Variants in USP10 observed in about 807,000 individuals in gnomAD.
USP10 encodes ubiquitin specific peptidase 10, also known as ubiquitin carboxyl-terminal hydrolase 10.
A neutral mutation model predicts 84.5 loss-of-function variants in USP10; 22 were observed. The observed-to-expected ratio is 0.26, with a 90% confidence interval of 0.19 to 0.37. USP10 has a LOEUF of 0.37. USP10 is among the 10% of genes least tolerant of loss of function. USP10 has a pLI of 1.00. For missense variants in USP10, 1,019 were observed against 998.9 expected (o/e 1.02, Z -0.27); for synonymous variants, 454 against 387.6 (o/e 1.17, Z -2.01).
intron 2 of USP10, among the ~76,000 whole-genome samples, chr16:84,735,239 T>TGTGTGTG (rs1909781168): frequency 7.7e-6 from 1 of 130,606 alleles, no homozygotes; most frequent in African/African-American, 2.8e-5. Context: ...GTGTGTGTGG[T>TGTGTGTG]GTGTGTGTTT....
intron 3 of USP10, among the ~76,000 whole-genome samples, chr16:84,741,200 G>A (rs186338585): frequency 1.9e-4 from 29 of 152,288 alleles, no homozygotes; most frequent in African/African-American, 2.6e-4. Context: ...CTAACCAAAC[G>A]TTTTATCTCC....
intron 4 of USP10, among the ~76,000 whole-genome samples, chr16:84,751,482 C>T (rs1385544193): frequency 6.6e-6 from 1 of 152,182 alleles, no homozygotes; most frequent in African/African-American, 2.4e-5. Flanking sequence ...AAAGGCGTGG[C>T]ACCTGTTTAC....
intron 1 of USP10, among the ~76,000 whole-genome samples, chr16:84,726,863 A>C (rs534447840): frequency 1.3e-5 from 2 of 152,218 alleles, no homozygotes; most frequent in African/African-American, 4.8e-5. Context: ...GGCATTTCCT[A>C]TGCAACCACA....
intron 13 of USP10, among the ~76,000 whole-genome samples, chr16:84,775,439 A>G (rs958012759): frequency 1.3e-5 from 2 of 152,204 alleles, no homozygotes; most frequent in African/African-American, 4.8e-5. Flanking sequence ...ATAACAGAAG[A>G]CCTTGCTCAA....
At chr16:84,760,121 AT>A in intron 7 of USP10, 50 bp from the exon 8 acceptor site, 1 of 1,561,738 alleles carries the variant, frequency 6.4e-7, no homozygotes, top group Non-Finnish European at 8.7e-7. Context: ...TTTTTTCATC[AT>A]TTATGAGTTC....
At chr16:84,737,090 A>G (rs1383585017) in intron 2 of USP10, among the ~76,000 whole-genome samples, 1 of 152,124 alleles carries the variant, frequency 6.6e-6, no homozygotes, top group Non-Finnish European at 1.5e-5. Context: ...GCCCGGCCTA[A>G]TTTGGTATCT....
intron 3 of USP10, among the ~76,000 whole-genome samples, chr16:84,740,630 C>G (rs1285309887): frequency 6.6e-6 from 1 of 152,192 alleles, no homozygotes; most frequent in Non-Finnish European, 1.5e-5. Context: ...CCTAACAGTT[C>G]TGAGTGCAAC....
intron 1 of USP10, among the ~76,000 whole-genome samples, chr16:84,714,638 G>A (rs977076363): frequency 3.3e-5 from 5 of 151,902 alleles, no homozygotes; most frequent in African/African-American, 9.7e-5. Context: ...TACTAAAAAT[G>A]GTAATGTTTG....
At position 84,706,875 on chromosome 16, in the gene USP10, G is replaced by T. The variant is rs202101090; in HGVS notation, c.21+6764G>T. On this transcript the variant is annotated intron_variant, in intron 1 of 13. Coordinates refer to ENST00000219473, the MANE Select transcript of USP10 (RefSeq NM_005153.3). ...ATATATTTATTCAAGACCTGAAGTA[G>T]GCTTTCTGGGTAGATCTGATCATTG... is the stretch of plus-strand genomic sequence containing the variant. Among the ~76,000 whole-genome samples the T allele has an allele frequency of 2.0e-5, 3 of 151,832 alleles. No homozygotes were observed. In the East Asian group the frequency reaches 5.8e-4, roughly 29 times the overall value.
chr16:84,725,325 G>A (rs925247699), intron 1 of USP10, among the ~76,000 whole-genome samples: 2 of 152,200 alleles, frequency 1.3e-5, no homozygotes, highest in Non-Finnish European at 1.5e-5. Context: ...CTTTAACTTA[G>A]TATAATGTTT....
intron 3 of USP10, among the ~76,000 whole-genome samples, chr16:84,742,988 G>GATTTC (rs1369043507): frequency 6.6e-6 from 1 of 152,114 alleles, no homozygotes; most frequent in African/African-American, 2.4e-5. Flanking sequence ...TTTCTAATGT[G>GATTTC]ATTTCACAGC....
At chr16:84,762,946 A>G (rs887829187) in intron 8 of USP10, 43 bp from the exon 9 acceptor site, 3 of 1,273,320 alleles carry the variant, frequency 2.4e-6, no homozygotes, top group African/African-American at 1.5e-5. Flanking sequence ...GGCCTTTGAC[A>G]GTGATCAGTT....
chr16:84,744,475 C>G lies in USP10; in HGVS notation c.152-158C>G, dbSNP rs563072178. 5.3e-5 allele frequency among the ~76,000 whole-genome samples: 8 copies of G among 152,298 alleles called. 1 individual carries two copies. Among genetic ancestry groups the G allele is most frequent in the Admixed American group, 2.6e-4 (4 of 15,294 alleles). On this transcript the variant is annotated intron_variant, in intron 3 of 13. Transcript: ENST00000219473. The stretch of plus-strand genomic sequence containing the variant: ...TTAAATAATAATTTTATAGTTGTTT[C>G]ATTTTCCGCAAATTGTTCAGCGTAA...
At chr16:84,730,133 C>T (rs1909019381) in intron 1 of USP10, among the ~76,000 whole-genome samples, 1 of 152,188 alleles carries the variant, frequency 6.6e-6, no homozygotes, top group Non-Finnish European at 1.5e-5. Context: ...TGCGTCCACT[C>T]AGCGTCCACT....
At chr16:84,700,725 G>A (rs1904755288) in intron 1 of USP10, among the ~76,000 whole-genome samples, 1 of 152,154 alleles carries the variant, frequency 6.6e-6, no homozygotes, top group Non-Finnish European at 1.5e-5. Context: ...TTTCACTTGC[G>A]TTTGAGTGAC....
chr16:84,724,451 A>C (rs1358711291), intron 1 of USP10, among the ~76,000 whole-genome samples: 1 of 152,192 alleles, frequency 6.6e-6, no homozygotes, highest in Non-Finnish European at 1.5e-5. Context: ...CAAACAGGGA[A>C]GTAGACACTC....
At chr16:84,765,687 G>GT (rs1365441467) in intron 10 of USP10, among the ~76,000 whole-genome samples, 1 of 152,142 alleles carries the variant, frequency 6.6e-6, no homozygotes, top group East Asian at 1.9e-4. Flanking sequence ...ACAGACAGTT[G>GT]TTTCCCTGTC....
At chr16:84,769,767 T>C (rs113369133) in intron 11 of USP10, among the ~76,000 whole-genome samples, 5 of 152,210 alleles carry the variant, frequency 3.3e-5, no homozygotes, top group African/African-American at 1.2e-4. Context: ...AAGACCCTTT[T>C]GTGATGTGTC....
At chr16:84,755,201 C>G (rs1253937176) in intron 4 of USP10, among the ~76,000 whole-genome samples, 1 of 151,432 alleles carries the variant, frequency 6.6e-6, no homozygotes, top group African/African-American at 2.4e-5. Flanking sequence ...AGTATCAGTG[C>G]TAAACAGGAA....
Sources: gnomAD v4.1 joint callset for allele counts (sites outside exome capture counted in the v4.1 genomes callset) on GRCh38, gnomAD v4.1.1 for gene constraint, MANE v1.5 for transcripts, NCBI Gene and HGNC (gene_info 2026-07-23, HGNC 2026-07-21) for gene names.